The following TRPM3 variants were observed in gnomAD, a reference collection of about 807,000 sequenced individuals.
TRPM3 encodes the protein transient receptor potential cation channel subfamily M member 3, also known as long transient receptor potential channel 3.
In TRPM3, 77 loss-of-function variants were observed where a neutral mutation model predicts 181.2. The observed-to-expected ratio is 0.42, with a 90% CI of 0.35 to 0.51. The LOEUF is 0.51. Ranked by LOEUF, TRPM3 falls within the 20% of genes least tolerant of loss-of-function variation. The pLI is 0.01. For missense variants in TRPM3, 1,759 were observed against 2,196.7 expected (o/e 0.80, Z 3.98); for synonymous variants, 745 against 796.4 (o/e 0.94, Z 1.09).
chr9:71,165,034 T>C (rs2076470058), intron 1 of TRPM3, among the ~76,000 whole-genome samples: 1 of 152,190 alleles, frequency 6.6e-6, no homozygotes, highest in South Asian at 2.1e-4. Flanking sequence ...CAAATAATCC[T>C]TGTGTCTTAT....
intron 6 of TRPM3, among the ~76,000 whole-genome samples, chr9:70,823,508 G>A (rs1324784072): frequency 1.3e-5 from 2 of 152,172 alleles, no homozygotes; most frequent in South Asian, 2.1e-4. Context: ...TTGCATAAAC[G>A]ATACCTCCTC....
chr9:71,190,194 G>A (rs752967241), intron 1 of TRPM3, among the ~76,000 whole-genome samples: 13 of 151,922 alleles, frequency 8.6e-5, no homozygotes, highest in East Asian at 3.9e-4. Context: ...ACATAGCTGC[G>A]CAATGTGGGC....
chr9:70,663,835 G>C (rs967272664), intron 9 of TRPM3, among the ~76,000 whole-genome samples: 3 of 152,198 alleles, frequency 2.0e-5, no homozygotes, highest in Non-Finnish European at 4.4e-5. Context: ...CTGGATAGCA[G>C]TTGAGTGGCA....
At chr9:71,347,572 T>G (rs2091368963) in intron 1 of TRPM3, among the ~76,000 whole-genome samples, 2 of 152,136 alleles carry the variant, frequency 1.3e-5, no homozygotes, top group African/African-American at 4.8e-5. Context: ...ATAGCTTAAT[T>G]TTTTGCTCCC....
intron 1 of TRPM3, among the ~76,000 whole-genome samples, chr9:70,928,688 T>C (rs923163777): frequency 1.3e-5 from 2 of 152,130 alleles, no homozygotes; most frequent in Non-Finnish European, 2.9e-5. Context: ...ACTGATGGCA[T>C]GGAGGAGAAG....
chr9:71,168,538 T>TGA (rs1297417414), intron 1 of TRPM3, among the ~76,000 whole-genome samples: 20 of 12,442 alleles, frequency 1.6e-3, no homozygotes, highest in Admixed American at 2.1e-3. Flanking sequence ...AAGGTGTGAT[T>TGA]TATTTATTTA....
intron 9 of TRPM3, among the ~76,000 whole-genome samples, chr9:70,679,571 T>G (rs1934472): frequency 0.65 from 98,506 of 151,536 alleles, 32,323 homozygotes; most frequent in African/African-American, 0.74. Context: ...GATGCGTTTT[T>G]TATCTCCATA....
At chr9:71,034,709 T>G (rs2132801290) in intron 1 of TRPM3, among the ~76,000 whole-genome samples, 1 of 152,120 alleles carries the variant, frequency 6.6e-6, no homozygotes, top group East Asian at 1.9e-4. Flanking sequence ...GTGGGAGTAT[T>G]TACATCATGG....
In TRPM3 at chr9:70,576,477, TCTTCTC is replaced by T. The variant is rs369805308; in HGVS notation, c.3223+14548_3223+14553del. On this transcript the variant is annotated intron_variant, in intron 22 of 25. Transcript: ENST00000677713. ...CTGCTGCTATAGATCTTCTTCTTCTTCTTCTCCTCCTCCTCCTCCTCCTCCTTCTTC... is the reference window on the plus strand; with the variant it reads ...CTGCTGCTATAGATCTTCTTCTTCTTCTCCTCCTCCTCCTCCTCCTTCTTC... Among the ~76,000 whole-genome samples, 572 of 151,198 alleles carry T rather than the reference TCTTCTC, an allele frequency of 3.8e-3. 3 individuals are homozygous for T. The highest frequency in any genetic ancestry group is 0.012 in the African/African-American group (499 of 40,784).
chr9:71,401,980 T>C (rs2093348541), intron 1 of TRPM3, among the ~76,000 whole-genome samples: 1 of 152,222 alleles, frequency 6.6e-6, no homozygotes, highest in Admixed American at 6.5e-5. Context: ...AGGCATACCA[T>C]GTATTATCAG....
At chr9:70,846,347 T>C (rs763029099) in intron 4 of TRPM3, 31 bp downstream of exon 4, 57 of 1,589,154 alleles carry the variant, frequency 3.6e-5, no homozygotes, top group Admixed American at 1.0e-4. Context: ...CCATGGCCTA[T>C]GTTGACTTTC....
At chr9:71,132,855 T>C (rs552775717) in intron 1 of TRPM3, among the ~76,000 whole-genome samples, 2 of 152,266 alleles carry the variant, frequency 1.3e-5, no homozygotes, top group African/African-American at 4.8e-5. Flanking sequence ...AATACAATAC[T>C]TAATGGTTTT....
chr9:70,582,460 G>C (rs1170195848), intron 22 of TRPM3, among the ~76,000 whole-genome samples: 1 of 152,132 alleles, frequency 6.6e-6, no homozygotes, highest in Non-Finnish European at 1.5e-5. Flanking sequence ...CCTACATTGT[G>C]TGAGACATAG....
chr9:71,268,884 G>C (rs926000726), intron 1 of TRPM3, among the ~76,000 whole-genome samples: 2 of 152,058 alleles, frequency 1.3e-5, no homozygotes, highest in Admixed American at 1.3e-4. Context: ...GCTTCTCAGG[G>C]AAAGTGATAT....
At chr9:70,739,323 C>T (rs1191937259) in intron 8 of TRPM3, among the ~76,000 whole-genome samples, 2 of 152,198 alleles carry the variant, frequency 1.3e-5, no homozygotes, top group Non-Finnish European at 2.9e-5. Flanking sequence ...GATGGTACAA[C>T]ATATGCAAGT....
intron 1 of TRPM3, among the ~76,000 whole-genome samples, chr9:71,103,893 C>A (rs2068899624): frequency 6.6e-6 from 1 of 151,650 alleles, no homozygotes; most frequent in African/African-American, 2.4e-5. Flanking sequence ...AATAATGGAG[C>A]AGATGATCTG....
chr9:70,636,916 G>A (rs1371641554), intron 11 of TRPM3, among the ~76,000 whole-genome samples: 1 of 152,122 alleles, frequency 6.6e-6, no homozygotes, highest in Non-Finnish European at 1.5e-5. Context: ...TCAAACTCCT[G>A]ACCTCAAGTG....
chr9:70,827,751 T>C, intron 6 of TRPM3, 96 bp downstream of exon 6: 1 of 1,429,364 alleles, frequency 7.0e-7, no homozygotes, highest in Non-Finnish European at 9.5e-7. Context: ...TAAAACTTGC[T>C]CAAGTTTTTA....
intron 6 of TRPM3, among the ~76,000 whole-genome samples, chr9:70,801,871 A>G (rs2089195127): frequency 6.6e-6 from 1 of 152,202 alleles, no homozygotes. Context: ...CTAATGTGCA[A>G]AAACTAATTC....
Sources: gnomAD v4.1 joint callset for allele counts (sites outside exome capture counted in the v4.1 genomes callset) on GRCh38, gnomAD v4.1.1 for gene constraint, MANE v1.5 for transcripts, NCBI Gene and HGNC (gene_info 2026-07-23, HGNC 2026-07-21) for gene names.